Variants in PTAFR observed in about 807,000 individuals in gnomAD.
The protein encoded by PTAFR is platelet activating factor receptor, also known as platelet-activating factor receptor.
PTAFR carries 8 observed loss-of-function variants against 14.7 expected under a neutral mutation model. That is an observed-to-expected ratio of 0.54 (90% CI 0.32 to 0.98). The LOEUF (loss-of-function observed/expected upper bound fraction) is 0.98. Among genes scored for constraint, PTAFR ranks in the 50% least tolerant of loss-of-function variants. PTAFR has a pLI of 0.04. For missense variants in PTAFR, 337 were observed against 451.2 expected (o/e 0.75, Z 2.29); for synonymous variants, 156 against 176.5 (o/e 0.88, Z 0.92).
At chr1:28,175,120 G>T (rs559813181) in intron 1 of PTAFR, among the ~76,000 whole-genome samples, 2 of 152,006 alleles carry the variant, frequency 1.3e-5, no homozygotes, top group Non-Finnish European at 2.9e-5. Flanking sequence ...CACCATGTTC[G>T]CCAGGATGGT....
At chr1:28,175,391 G>T (rs751226191) in intron 1 of PTAFR, among the ~76,000 whole-genome samples, 2 of 151,954 alleles carry the variant, frequency 1.3e-5, no homozygotes, top group Admixed American at 6.6e-5. Context: ...AGCACCTAAA[G>T]ATAGTGGTGT....
intron 1 of PTAFR, among the ~76,000 whole-genome samples, chr1:28,166,510 A>G (rs1646386657): frequency 1.3e-5 from 2 of 152,238 alleles, no homozygotes; most frequent in East Asian, 1.9e-4. Flanking sequence ...CGTCTCTACA[A>G]AAATACAAAA....
chr1:28,181,912 C>G (rs985838892), intron 1 of PTAFR, among the ~76,000 whole-genome samples: 6 of 152,000 alleles, frequency 3.9e-5, no homozygotes, highest in African/African-American at 1.5e-4. Context: ...AGTTTGAGAC[C>G]AGCCTGGGCA....
upstream of PTAFR, among the ~76,000 whole-genome samples, chr1:28,177,564 T>G (rs892933040): frequency 1.3e-5 from 2 of 152,178 alleles, no homozygotes; most frequent in Non-Finnish European, 2.9e-5. Context: ...CTGTGTTTGT[T>G]TTTTTGTTCA....
chr1:28,182,481 CTG>C (rs1646570313), intron 1 of PTAFR, among the ~76,000 whole-genome samples: 1 of 151,892 alleles, frequency 6.6e-6, no homozygotes, highest in African/African-American at 2.4e-5. Context: ...TGAGACCAGC[CTG>C]GACAACATAG....
At chr1:28,188,605 G>A (rs1646625132) in intron 1 of PTAFR, among the ~76,000 whole-genome samples, 1 of 151,940 alleles carries the variant, frequency 6.6e-6, no homozygotes, top group South Asian at 2.1e-4. Flanking sequence ...CTGGGTGACA[G>A]GCCCCTATAA....
In PTAFR at chr1:28,150,832, T is replaced by C. The variant is rs1411929706; in HGVS notation, c.190A>G (p.Met64Val). 1 of 1,614,030 alleles carries C rather than the reference T, an allele frequency of 6.2e-7. No homozygotes were observed. The highest frequency in any genetic ancestry group is 8.5e-7 in the Non-Finnish European group (1 of 1,180,040). Residue 64 changes from methionine (M) to valine (V), a missense_variant, in exon 2 of 2, where the codon ATG (methionine) becomes GTG (valine). By Grantham distance (21) the Met-to-Val change is conservative. Coordinates refer to ENST00000373857, the MANE Select transcript of PTAFR (RefSeq NM_000952.5). This position sits in a 1 kb window ranked among gnomAD's most constrained non-coding sequence, Gnocchi z 6.3. ...AGTGGCAGGGTGATCAAGAAGAGCATGTCCGCCATGGTGAGGTTCACCATG... is the reference window on the plus strand; with the variant it reads ...AGTGGCAGGGTGATCAAGAAGAGCACGTCCGCCATGGTGAGGTTCACCATG... ...IFMVNLTMAD[M>V]LFLITLPLWI...
rs1432921370 is a variant in PTAFR at position 28,150,522 on chromosome 1, G to A, written c.500C>T (p.Ser167Leu). 2 of 1,614,108 alleles carry A rather than the reference G, an allele frequency of 1.2e-6. No homozygotes were observed. The highest frequency in any genetic ancestry group is 1.7e-6 in the Non-Finnish European group (2 of 1,180,034). Reference sequence around the variant, plus strand: ...CTCAAAGCAGCGAGTGACGTTGCCTGAGCCAGCACTGTCGGGCACTGTGTT... The same window carrying A: ...CTCAAAGCAGCGAGTGACGTTGCCTAAGCCAGCACTGTCGGGCACTGTGTT... ...STNTVPDSAG[S>L]GNVTRCFEHY... The change falls in exon 2 of 2, where the codon TCA becomes TTA. Residue 167 changes from serine (S) to leucine (L), a missense_variant. Transcript: ENST00000373857. This position sits in a 1 kb window ranked among gnomAD's most constrained non-coding sequence, Gnocchi z 6.3.
At chr1:28,169,733 C>T (rs1646431292) in intron 1 of PTAFR, among the ~76,000 whole-genome samples, 1 of 152,126 alleles carries the variant, frequency 6.6e-6, no homozygotes, top group Admixed American at 6.5e-5. Flanking sequence ...GGCGCAGTGG[C>T]TCATACCTGT....
chr1:28,188,435 G>A (rs911736927), intron 1 of PTAFR, among the ~76,000 whole-genome samples: 1 of 151,142 alleles, frequency 6.6e-6, no homozygotes, highest in African/African-American at 2.4e-5. Flanking sequence ...GACAGAGGGG[G>A]ACTCTGTCTC....
intron 1 of PTAFR, among the ~76,000 whole-genome samples, chr1:28,161,504 T>A (rs987064518): frequency 1.1e-4 from 17 of 152,278 alleles, no homozygotes; most frequent in African/African-American, 3.4e-4. Flanking sequence ...AGATGGCTTT[T>A]TTTTTATTTT....
At chr1:28,158,233 T>C (rs1255425127) in intron 1 of PTAFR, among the ~76,000 whole-genome samples, 2 of 152,174 alleles carry the variant, frequency 1.3e-5, no homozygotes, top group Non-Finnish European at 2.9e-5. Flanking sequence ...AGAGACCTCC[T>C]GCCTATGCTG....
chr1:28,171,695 G>C (rs1646456454), intron 1 of PTAFR, among the ~76,000 whole-genome samples: 1 of 152,096 alleles, frequency 6.6e-6, no homozygotes, highest in Admixed American at 6.6e-5. Flanking sequence ...AGGGTCTAGG[G>C]CACGAGGGAT....
upstream of PTAFR, among the ~76,000 whole-genome samples, chr1:28,178,710 C>G (rs1646538371): frequency 6.6e-6 from 1 of 152,042 alleles, no homozygotes; most frequent in Admixed American, 6.6e-5. Flanking sequence ...AGCGCCTACT[C>G]TCATGCGAAG....
chr1:28,170,816 C>T (rs923855787), intron 1 of PTAFR, among the ~76,000 whole-genome samples: 4 of 151,732 alleles, frequency 2.6e-5, no homozygotes, highest in Admixed American at 1.3e-4. Flanking sequence ...CTGGCTAACA[C>T]GGTAAAACCC....
Position 28,172,850 on chromosome 1 carries a change from G to A in PTAFR, c.-39+3742C>T, listed in dbSNP as rs1178073125. ...CTTGGGGTTTTTATCTGCAAAATGC[G>A]GTGCCTGTGCCTCGCTTATCTCAAA... On this transcript the variant is annotated intron_variant, in intron 1 of 1. Coordinates refer to ENST00000373857, the MANE Select transcript of PTAFR (RefSeq NM_000952.5). Among the ~76,000 whole-genome samples the A allele has an allele frequency of 2.0e-5, 3 of 152,016 alleles. No individual in the cohort carries two copies. In the East Asian group the frequency reaches 5.8e-4, roughly 29 times the overall value.
intron 1 of PTAFR, among the ~76,000 whole-genome samples, chr1:28,153,777 A>T (rs1001642650): frequency 1.3e-5 from 2 of 151,714 alleles, no homozygotes; most frequent in African/African-American, 2.4e-5. Context: ...AGTCCCAGCC[A>T]CTCTGGAGGC....
chr1:28,183,461 C>T (rs557054703), intron 1 of PTAFR, among the ~76,000 whole-genome samples: 2 of 152,236 alleles, frequency 1.3e-5, no homozygotes, highest in African/African-American at 2.4e-5. Context: ...CACATCTCTA[C>T]AAGAAATACA....
Position 28,150,703 on chromosome 1 carries a change from A to T in PTAFR, c.319T>A (p.Phe107Ile). 1 of 1,614,158 alleles carries T rather than the reference A, an allele frequency of 6.2e-7. No individual in the cohort carries two copies. The highest frequency in any genetic ancestry group is 8.5e-7 in the Non-Finnish European group (1 of 1,180,030). Residue 107 changes from phenylalanine to isoleucine, a missense_variant, in exon 2 of 2, where the codon TTC becomes ATC. Transcript: ENST00000373857. The surrounding 1 kb of genome is among the most constrained non-coding windows in gnomAD (Gnocchi z 6.3). ...CGGTTATAAGTGATGACGCCCAGGA[A>T]GGCCACAGAGCAGTAGGTGTTGATG... Reference protein sequence around the residue: ...FFINTYCSVAFLGVITYNRFQ... With the variant: ...FFINTYCSVAILGVITYNRFQ...
Sources: gnomAD v4.1 joint callset for allele counts (sites outside exome capture counted in the v4.1 genomes callset) on GRCh38, gnomAD v4.1.1 for gene constraint, Gnocchi (gnomAD v3.1) non-coding constraint, MANE v1.5 for transcripts, NCBI Gene and HGNC (gene_info 2026-07-23, HGNC 2026-07-21) for gene names.